IL12RB2: variants seen among roughly 807,000 people sequenced by gnomAD.
The protein encoded by IL12RB2 is interleukin 12 receptor subunit beta 2.
In IL12RB2, 82 loss-of-function variants were observed where a neutral mutation model predicts 89.4. The ratio of observed to expected loss-of-function variants is 0.92; its 90% CI spans 0.77 to 1.10. The LOEUF is 1.10. Among genes scored for constraint, IL12RB2 ranks in the 50% least tolerant of loss-of-function variants. The pLI is 0.00. For missense variants in IL12RB2, 963 were observed against 1,031.9 expected, an observed-to-expected ratio of 0.93 and a Z score of 0.92; for synonymous variants, 368 against 370.1, an observed-to-expected ratio of 0.99 and a Z score of 0.07.
intron 10 of IL12RB2, among the ~76,000 whole-genome samples, chr1:67,355,195 C>G (rs987816075): frequency 7.2e-5 from 11 of 152,114 alleles, no homozygotes; most frequent in African/African-American, 2.7e-4. Context: ...AGGTAGATCA[C>G]TTGAGGCCAG....
chr1:67,334,317 C>T (rs1196783809), intron 8 of IL12RB2, among the ~76,000 whole-genome samples: 3 of 152,188 alleles, frequency 2.0e-5, no homozygotes, highest in Admixed American at 6.5e-5. Flanking sequence ...TTCAGCTTTG[C>T]GGATCATACG....
At chr1:67,325,843 G>C (rs909844373) in intron 4 of IL12RB2, among the ~76,000 whole-genome samples, 4 of 152,190 alleles carry the variant, frequency 2.6e-5, no homozygotes, top group African/African-American at 9.7e-5. Flanking sequence ...CTGGGTATTA[G>C]GGTAAAATGG....
intron 10 of IL12RB2, among the ~76,000 whole-genome samples, chr1:67,358,581 A>G (rs968929138): frequency 2.0e-5 from 3 of 152,104 alleles, no homozygotes; most frequent in Non-Finnish European, 4.4e-5. Context: ...CATCTCAAAA[A>G]AAAATTAATT....
chr1:67,378,835 G>A (rs17425638), intron 13 of IL12RB2, among the ~76,000 whole-genome samples: 9,817 of 132,922 alleles, frequency 0.074, 651 homozygotes, highest in East Asian at 0.21. Context: ...GGGTGACAGA[G>A]CAAGACTCTT....
chr1:67,396,189 C>T lies in IL12RB2; in HGVS notation c.*100C>T, dbSNP rs1666355267. 1.2e-6 allele frequency: 1 copy of T among 819,076 alleles called. No individual in the cohort carries two copies. The highest frequency in any genetic ancestry group is 1.7e-5 in the African/African-American group (1 of 60,008). The allele number at this position is 819,076 out of a possible 1,614,324, so 50.7% of individuals were successfully genotyped here. On this transcript the variant is annotated 3_prime_UTR_variant, in exon 17 of 17. Coordinates refer to ENST00000674203, the MANE Select transcript of IL12RB2 (RefSeq NM_001374259.2). ...TCCAGCAGCTGTCATCTCTGGGTGC[C>T]ACCATCGGTCTGGCTGCAGCTAGAG...
intron 10 of IL12RB2, among the ~76,000 whole-genome samples, chr1:67,353,088 A>G (rs1207579081): frequency 6.6e-6 from 1 of 152,252 alleles, no homozygotes; most frequent in South Asian, 2.1e-4. Flanking sequence ...ACAGTGAAAC[A>G]CCATAAACAA....
At chr1:67,392,623 CTTTTTTTTTTTTTT>C (rs527587132) in intron 16 of IL12RB2, among the ~76,000 whole-genome samples, 5 of 84,268 alleles carry the variant, frequency 5.9e-5, no homozygotes, top group East Asian at 8.4e-4. Context: ...TTTTAGATAT[CTTTTTTTTTTTTTT>C]TTTTTTTTTT....
chr1:67,323,383 G>C (rs1656842731), intron 4 of IL12RB2, among the ~76,000 whole-genome samples: 1 of 152,232 alleles, frequency 6.6e-6, no homozygotes, highest in African/African-American at 2.4e-5. Context: ...GCCAGTGGCA[G>C]TGTACTTTAG....
chr1:67,374,081 T>C (rs908819018), intron 13 of IL12RB2, among the ~76,000 whole-genome samples: 1 of 152,162 alleles, frequency 6.6e-6, no homozygotes, highest in Non-Finnish European at 1.5e-5. Flanking sequence ...AATTGATGCA[T>C]GTACAAGAAT....
intron 1 of IL12RB2, among the ~76,000 whole-genome samples, chr1:67,308,605 G>T (rs964993192): frequency 2.6e-5 from 4 of 152,068 alleles, no homozygotes; most frequent in Non-Finnish European, 5.9e-5. Flanking sequence ...GAACTATGAG[G>T]CCCTCCTCAT....
At chr1:67,345,264 C>A (rs1453870802) in intron 9 of IL12RB2, among the ~76,000 whole-genome samples, 1 of 152,188 alleles carries the variant, frequency 6.6e-6, no homozygotes, top group Non-Finnish European at 1.5e-5. Context: ...TTTTGACAAA[C>A]AGCTACCCTC....
rs2252596 is a variant in IL12RB2 at position 67,367,818 on chromosome 1, G to A, written c.1259-7G>A. The A allele has an allele frequency of 0.035, 53,236 of 1,499,994 alleles. 3,268 individuals carry two copies. Among genetic ancestry groups the A allele is most frequent in the East Asian group, 0.22 (9,628 of 44,242 alleles). The allele number at this position is 1,499,994 out of a possible 1,614,324, so 92.9% of individuals were successfully genotyped here. A position where few individuals can be genotyped will look rare whatever the true frequency, so the allele number is the denominator to read the frequency against. On this transcript the variant is annotated splice_region_variant and splice_polypyrimidine_tract_variant and intron_variant, in intron 10 of 16. Coordinates refer to ENST00000674203, the MANE Select transcript of IL12RB2 (RefSeq NM_001374259.2). Reference sequence around the variant, plus strand: ...TATTTTGTTTCTCCTCTTTCTGTCCGATAAAGGGTTGCTGGCTCCTCGCCA... The same window carrying A: ...TATTTTGTTTCTCCTCTTTCTGTCCAATAAAGGGTTGCTGGCTCCTCGCCA...
intron 8 of IL12RB2, among the ~76,000 whole-genome samples, chr1:67,331,420 TTGGGAAGGGAATGTTATTG>T (rs2100686979): frequency 6.6e-6 from 1 of 152,320 alleles, no homozygotes; most frequent in South Asian, 2.1e-4. Flanking sequence ...TTAGTAATTA[TTGGGAAGGGAATGTTATTG>T]AAGTATAAGA....
rs113226384 is a variant in IL12RB2, at chr1:67,395,587, G to T, written c.2087G>T (p.Trp696Leu). 75 of 1,614,206 alleles carry T rather than the reference G, an allele frequency of 4.6e-5. No homozygotes were observed. The African/African-American group carries it at 9.5e-4, about 20-fold the overall frequency. Reference sequence around the variant, plus strand: ...CCCTTGGACAGGCTCCTGATAGACTGGCCCACGCCTGAAGATCCTGAACCG... The same window carrying T: ...CCCTTGGACAGGCTCCTGATAGACTTGCCCACGCCTGAAGATCCTGAACCG... ...QLPLDRLLIDWPTPEDPEPLV... is the reference protein window; with the variant it reads ...QLPLDRLLIDLPTPEDPEPLV... The change falls in exon 17 of 17, where the codon TGG (tryptophan) becomes TTG (leucine). Residue 696 changes from tryptophan to leucine, a missense_variant. Physicochemically the swap from Trp to Leu is moderately conservative, Grantham distance 61. Transcript: ENST00000674203.
At chr1:67,320,506 T>C (rs1350340218) in intron 3 of IL12RB2, 62 bp downstream of exon 3, 2 of 1,609,674 alleles carry the variant, frequency 1.2e-6, no homozygotes, top group Non-Finnish European at 1.7e-6. Flanking sequence ...CAGTTACAGA[T>C]GAAGTATGTA....
rs201325852 is a variant in IL12RB2 at position 67,321,735 on chromosome 1, G to T, written c.210G>T (p.Leu70=). The T allele has an allele frequency of 6.2e-7, 1 of 1,612,726 alleles. No individual in the cohort carries two copies. Among genetic ancestry groups the T allele is most frequent in the African/African-American group, 1.3e-5 (1 of 74,876 alleles). The stretch of plus-strand genomic sequence containing the variant: ...ATTCCAGACGTAACAAGTTAATCCT[G>T]TACAAGTTTGACAGAAGAATCAATT... ...FHYSRRNKLI[L]YKFDRRINFH... The change falls in exon 4 of 17, where the codon CTG becomes CTT. Residue 70 remains leucine (L), a synonymous_variant. Coordinates refer to ENST00000674203, the MANE Select transcript of IL12RB2 (RefSeq NM_001374259.2).
At chr1:67,326,916 C>A in intron 5 of IL12RB2, 67 bp downstream of exon 5, 4 of 1,245,620 alleles carry the variant, frequency 3.2e-6, no homozygotes, top group Non-Finnish European at 3.1e-6. Flanking sequence ...TTAGAAATAT[C>A]TGTTTTCTTT....
intron 5 of IL12RB2, among the ~76,000 whole-genome samples, chr1:67,327,927 C>A (rs1487091384): frequency 6.6e-6 from 1 of 152,140 alleles, no homozygotes; most frequent in African/African-American, 2.4e-5. Context: ...AGATGACAAG[C>A]AGGGTTTGGG....
intron 13 of IL12RB2, among the ~76,000 whole-genome samples, chr1:67,376,114 G>A (rs1333007404): frequency 1.3e-5 from 2 of 151,810 alleles, no homozygotes; most frequent in Non-Finnish European, 2.9e-5. Context: ...CCAAAGTGCT[G>A]GGATTACAGA....
Sources: gnomAD v4.1 joint callset for allele counts (sites outside exome capture counted in the v4.1 genomes callset) on GRCh38, gnomAD v4.1.1 for gene constraint, MANE v1.5 for transcripts, NCBI Gene and HGNC (gene_info 2026-07-23, HGNC 2026-07-21) for gene names.